Variants in GALNT3 observed in about 807,000 individuals in gnomAD.
GALNT3 encodes GalNAc transferase 3.
GALNT3 carries 51 observed loss-of-function variants against 69.8 expected under a neutral mutation model. The observed-to-expected ratio is 0.73, with a 90% CI of 0.58 to 0.92. The LOEUF (loss-of-function observed/expected upper bound fraction) is 0.92. GALNT3 is among the 40% of genes least tolerant of loss of function. The pLI is 0.00. For missense variants in GALNT3, 711 were observed against 760.0 expected, an observed-to-expected ratio of 0.94 and a Z score of 0.76; for synonymous variants, 265 against 248.5, an observed-to-expected ratio of 1.07 and a Z score of -0.63.
At chr2:165,756,244 A>G (rs1688441243) in intron 7 of GALNT3, among the ~76,000 whole-genome samples, 1 of 152,140 alleles carries the variant, frequency 6.6e-6, no homozygotes, top group Admixed American at 6.5e-5. Context: ...AGCACTATCT[A>G]TTTCCTACAA....
At position 165,764,901 on chromosome 2, in the gene GALNT3, T is replaced by C. The variant is rs1163117371; in HGVS notation, c.671A>G (p.Asp224Gly). Residue 224 changes from aspartate to glycine, a missense_variant, in exon 3 of 11, where the codon GAT becomes GGT. Coordinates refer to ENST00000392701, the MANE Select transcript of GALNT3 (RefSeq NM_004482.4). Reference protein sequence around the residue: ...AILLKEIILVDDASVDEYLHD... With the variant: ...AILLKEIILVGDASVDEYLHD... Reference sequence around the variant, plus strand: ...TTTCTTACCATCTACACTAGCATCATCCACCAAAATGATTTCCTTCAGCAG... The same window carrying C: ...TTTCTTACCATCTACACTAGCATCACCCACCAAAATGATTTCCTTCAGCAG... The C allele has an allele frequency of 2.5e-6, 4 of 1,614,198 alleles. No homozygotes were observed. Among genetic ancestry groups the C allele is most frequent in the East Asian group, 2.2e-5 (1 of 44,880 alleles).
intron 3 of GALNT3, among the ~76,000 whole-genome samples, chr2:165,764,521 A>G (rs1688604732): frequency 6.6e-6 from 1 of 152,218 alleles, no homozygotes; most frequent in Non-Finnish European, 1.5e-5. Flanking sequence ...TTGCTGATAA[A>G]TCACAGCAGA....
chr2:165,764,083 A>G (rs1230784530), intron 3 of GALNT3, among the ~76,000 whole-genome samples: 1 of 152,216 alleles, frequency 6.6e-6, no homozygotes, highest in Non-Finnish European at 1.5e-5. Context: ...TAAAATACTT[A>G]TGATGTTTGA....
In GALNT3 at chr2:165,759,614, G is replaced by A. The variant is rs779405296; in HGVS notation, c.839-44C>T. The A allele has an allele frequency of 2.1e-6, 3 of 1,455,166 alleles. No individual in the cohort carries two copies. The Middle Eastern group carries it at 5.3e-4, about 255-fold the overall frequency. 90.1% of individuals were successfully genotyped at this position (1,455,166 alleles called of 1,614,324 possible). A position where few individuals can be genotyped will look rare whatever the true frequency, so the allele number is the denominator to read the frequency against. The stretch of plus-strand genomic sequence containing the variant: ...TAATTAATTCAATAAAAACATTGAA[G>A]TTTTTTTCTTTAGTTATTTAGGTGA... On this transcript the variant is annotated intron_variant, in intron 4 of 10. Transcript: ENST00000392701.
intron 2 of GALNT3, among the ~76,000 whole-genome samples, chr2:165,769,047 G>A (rs1213909194): frequency 4.7e-5 from 7 of 148,788 alleles, no homozygotes; most frequent in African/African-American, 9.9e-5. Context: ...TGCCCTCCTC[G>A]GCCTCCCAAA....
At chr2:165,774,810 CTT>C (rs1688815520) in intron 1 of GALNT3, among the ~76,000 whole-genome samples, 1 of 151,470 alleles carries the variant, frequency 6.6e-6, no homozygotes. Context: ...CAAAACTTAA[CTT>C]GTGTTAAATG....
intron 1 of GALNT3, among the ~76,000 whole-genome samples, chr2:165,788,271 C>G (rs1683266112): frequency 1.4e-5 from 2 of 142,352 alleles, no homozygotes; most frequent in Admixed American, 1.5e-4. Context: ...GAGCCAAGAT[C>G]ACGCCACTGC....
intron 1 of GALNT3, among the ~76,000 whole-genome samples, chr2:165,779,454 C>T (rs555384282): frequency 6.1e-4 from 93 of 152,312 alleles, no homozygotes; most frequent in African/African-American, 2.2e-3. Flanking sequence ...CTATATTTCA[C>T]CTAACAAAGT....
chr2:165,774,773 A>T (rs748644745), intron 1 of GALNT3, among the ~76,000 whole-genome samples: 1 of 152,192 alleles, frequency 6.6e-6, no homozygotes, highest in Non-Finnish European at 1.5e-5. Flanking sequence ...AAGAGGACCA[A>T]GATTTCATCA....
intron 1 of GALNT3, among the ~76,000 whole-genome samples, chr2:165,793,267 GGTCCTTAA>G (rs1683390237): frequency 6.6e-6 from 1 of 152,138 alleles, no homozygotes; most frequent in Non-Finnish European, 1.5e-5. Context: ...GCGATATGCA[GGTCCTTAA>G]GTCAACAGGT....
intron 2 of GALNT3, among the ~76,000 whole-genome samples, chr2:165,769,568 A>G (rs1207098898): frequency 1.3e-5 from 2 of 151,942 alleles, no homozygotes; most frequent in African/African-American, 4.8e-5. Flanking sequence ...AGCCTGGGCA[A>G]CATGGTGAAA....
At chr2:165,776,465 C>G (rs2105425545) in intron 1 of GALNT3, among the ~76,000 whole-genome samples, 1 of 151,892 alleles carries the variant, frequency 6.6e-6, no homozygotes, top group East Asian at 1.9e-4. Context: ...TCCAAGATGG[C>G]TATTTGCTAA....
rs575193932 is a variant in GALNT3, at chr2:165,770,287, T to C, written c.414A>G (p.Gln138=). The change falls in exon 2 of 11, where the codon CAA becomes CAG. Residue 138 remains glutamine, a synonymous_variant. Transcript: ENST00000392701. ...FKTTNLSVEE[Q]KEKERGEAKH... is the part of the protein sequence containing the mutation. Reference sequence around the variant, plus strand: ...TAGCTTCCCCACGTTCCTTTTCCTTTTGCTCTTCAACACTTAAATTGGTTG... The same window carrying C: ...TAGCTTCCCCACGTTCCTTTTCCTTCTGCTCTTCAACACTTAAATTGGTTG... 1.5e-5 allele frequency: 25 copies of C among 1,614,166 alleles called. No homozygotes were observed. The African/African-American group carries it at 2.9e-4, about 19-fold the overall frequency.
At chr2:165,765,820 T>C (rs1688633996) in intron 2 of GALNT3, among the ~76,000 whole-genome samples, 1 of 152,224 alleles carries the variant, frequency 6.6e-6, no homozygotes, top group African/African-American at 2.4e-5. Context: ...TTATCTTTAA[T>C]TAGATATTTA....
intron 1 of GALNT3, among the ~76,000 whole-genome samples, chr2:165,776,663 T>G (rs568514073): frequency 1.4e-4 from 21 of 152,308 alleles, no homozygotes; most frequent in African/African-American, 4.6e-4. Flanking sequence ...ACCTGGTATA[T>G]ATGTAGCCAT....
At chr2:165,778,320 G>GC (rs997988427) in intron 1 of GALNT3, among the ~76,000 whole-genome samples, 2 of 152,156 alleles carry the variant, frequency 1.3e-5, no homozygotes, top group African/African-American at 4.8e-5. Context: ...GGTATTCCCT[G>GC]CCCCCCAGGT....
At chr2:165,793,372 A>C (rs1407652965) in intron 1 of GALNT3, among the ~76,000 whole-genome samples, 2 of 152,156 alleles carry the variant, frequency 1.3e-5, no homozygotes, top group African/African-American at 4.8e-5. Flanking sequence ...ATTGATCAGG[A>C]AAGTGGGCCC....
At chr2:165,793,109 G>A (rs1683386959) in intron 1 of GALNT3, among the ~76,000 whole-genome samples, 1 of 152,182 alleles carries the variant, frequency 6.6e-6, no homozygotes. Context: ...GTAAGCGCCA[G>A]TTTCACCCTC....
chr2:165,749,853 G>A lies in GALNT3; in HGVS notation c.1668C>T (p.Ile556=). 1 of 1,613,608 alleles carries A rather than the reference G, an allele frequency of 6.2e-7. No individual in the cohort carries two copies. Among genetic ancestry groups the A allele is most frequent in the Non-Finnish European group, 8.5e-7 (1 of 1,179,636 alleles). The change falls in exon 10 of 11, where the codon ATC becomes ATT. Residue 556 remains isoleucine, a synonymous_variant. Coordinates refer to ENST00000392701, the MANE Select transcript of GALNT3 (RefSeq NM_004482.4). Reference sequence around the variant, plus strand: ...CAGCATGAAGACATAATTCCTTCTGGATGTTGTGCCGAATTTCATGTTGAG... The same window carrying A: ...CAGCATGAAGACATAATTCCTTCTGAATGTTGTGCCGAATTTCATGTTGAG... ...YSAQHEIRHN[I]QKELCLHAAQ...
Sources: gnomAD v4.1 joint callset for allele counts (sites outside exome capture counted in the v4.1 genomes callset) on GRCh38, gnomAD v4.1.1 for gene constraint, MANE v1.5 for transcripts, NCBI Gene and HGNC (gene_info 2026-07-23, HGNC 2026-07-21) for gene names.